Variants in THSD4 observed in about 807,000 individuals in gnomAD.
The protein encoded by THSD4 is thrombospondin type-1 domain-containing protein 4.
Under a neutral mutation model 119.0 loss-of-function variants are expected in THSD4, and 69 were observed. The ratio of observed to expected loss-of-function variants is 0.58; its 90% CI spans 0.48 to 0.71. THSD4 has a LOEUF of 0.71. Among genes scored for constraint, THSD4 ranks in the 30% least tolerant of loss-of-function variants. The pLI, the probability that THSD4 is intolerant of heterozygous loss-of-function variation, is 0.00. For synonymous variants in THSD4, 524 were observed against 540.4 expected (o/e 0.97, Z 0.42); for missense variants, 1,393 against 1,391.1 (o/e 1.00, Z -0.02).
intron 7 of THSD4, among the ~76,000 whole-genome samples, chr15:71,429,154 T>C (rs1424442374): frequency 2.6e-5 from 4 of 152,176 alleles, no homozygotes; most frequent in Non-Finnish European, 2.9e-5. Context: ...CGACATTTAT[T>C]GTAAAATGCG....
rs142872597 is a variant in THSD4, at chr15:71,293,350, C to T, written c.1015+36635C>T. 7.2e-5 allele frequency among the ~76,000 whole-genome samples: 11 copies of T among 152,168 alleles called. No individual in the cohort carries two copies. In the East Asian group the frequency reaches 1.2e-3, roughly 16 times the overall value. ...TGAATCTCCTGCCTGTGGAGGTGGA[C>T]GTGTGGTTGGTGTTCTGGGTGCCCC... On this transcript the variant is annotated intron_variant, in intron 6 of 17. Transcript: ENST00000261862.
At chr15:71,390,527 C>A (rs532831212) in intron 6 of THSD4, among the ~76,000 whole-genome samples, 1 of 152,296 alleles carries the variant, frequency 6.6e-6, no homozygotes, top group African/African-American at 2.4e-5. Context: ...TCTTGTATCT[C>A]CCTATGTCTA....
chr15:71,434,192 T>G (rs962435035), intron 7 of THSD4, among the ~76,000 whole-genome samples: 1 of 152,204 alleles, frequency 6.6e-6, no homozygotes, highest in Non-Finnish European at 1.5e-5. Flanking sequence ...CTTATTTACT[T>G]GATTTATGAG....
At position 71,148,308 on chromosome 15, in the gene THSD4, C is replaced by T. The variant is rs1235939005; in HGVS notation, c.30-6555C>T. Reference sequence around the variant, plus strand: ...CAGTACAGTAAACAACACCTGATAGCAGGAAGGAGACAACTAAGTGCCAAC... The same window carrying T: ...CAGTACAGTAAACAACACCTGATAGTAGGAAGGAGACAACTAAGTGCCAAC... On this transcript the variant is annotated intron_variant, in intron 2 of 17. Transcript: ENST00000261862. Among the ~76,000 whole-genome samples the T allele has an allele frequency of 2.6e-5, 4 of 152,174 alleles. 1 individual carries two copies. The highest frequency in any genetic ancestry group is 2.6e-4 in the Admixed American group (4 of 15,274).
intron 6 of THSD4, among the ~76,000 whole-genome samples, chr15:71,280,862 G>C (rs189795448): frequency 6.6e-6 from 1 of 152,208 alleles, no homozygotes; most frequent in Non-Finnish European, 1.5e-5. Context: ...ATTACTGAAG[G>C]CTGTGAAATC....
At chr15:71,103,586 G>A (rs2040262144) in intron 1 of THSD4, among the ~76,000 whole-genome samples, 1 of 151,804 alleles carries the variant, frequency 6.6e-6, no homozygotes, top group African/African-American at 2.4e-5. Context: ...AGTGGCAGGA[G>A]GAGAAAGGTG....
At chr15:71,305,799 G>C (rs755029543) in intron 6 of THSD4, among the ~76,000 whole-genome samples, 1 of 152,006 alleles carries the variant, frequency 6.6e-6, no homozygotes, top group Non-Finnish European at 1.5e-5. Context: ...ACTAACCAAG[G>C]GGCCTGCCCT....
chr15:71,749,362 G>A (rs898979249), intron 14 of THSD4, among the ~76,000 whole-genome samples: 12 of 152,244 alleles, frequency 7.9e-5, no homozygotes, highest in Non-Finnish European at 8.8e-5. Flanking sequence ...CTTTCCTGGT[G>A]GGATCGGCGC....
chr15:71,459,374 CTCTCTG>C (rs1289775865), intron 7 of THSD4, among the ~76,000 whole-genome samples: 60 of 114,590 alleles, frequency 5.2e-4, no homozygotes, highest in East Asian at 3.7e-3. Flanking sequence ...GTCTCTCTGT[CTCTCTG>C]TCTCTCTCTC....
At chr15:71,157,130 A>AT (rs1460506958) in intron 3 of THSD4, among the ~76,000 whole-genome samples, 3 of 152,230 alleles carry the variant, frequency 2.0e-5, no homozygotes, top group Non-Finnish European at 4.4e-5. Flanking sequence ...ATAGGCTATC[A>AT]TAACGGAAAA....
chr15:71,110,796 T>G, upstream of THSD4: 2 of 277,550 alleles, frequency 7.2e-6, no homozygotes, highest in Non-Finnish European at 1.4e-5. Flanking sequence ...CCCTTTGACT[T>G]TGGGTGACTT....
At chr15:71,713,092 T>G (rs766222459) in intron 8 of THSD4, among the ~76,000 whole-genome samples, 1 of 152,256 alleles carries the variant, frequency 6.6e-6, no homozygotes, top group Non-Finnish European at 1.5e-5. Flanking sequence ...CAAGGAAACC[T>G]GGGAAGTTTA....
chr15:71,340,357 G>T (rs754682390), intron 6 of THSD4, among the ~76,000 whole-genome samples: 3 of 152,202 alleles, frequency 2.0e-5, no homozygotes, highest in Admixed American at 2.0e-4. Context: ...TATGGTAGAA[G>T]TCCTGGAACT....
At chr15:71,341,833 TCCA>T (rs2045582621) in intron 6 of THSD4, 2 of 686,426 alleles carry the variant, frequency 2.9e-6, no homozygotes, top group Non-Finnish European at 5.3e-6. Flanking sequence ...TTGGTTTATT[TCCA>T]CCTACTAGGT....
chr15:71,613,419 A>C (rs1595788251), intron 7 of THSD4, among the ~76,000 whole-genome samples: 1 of 152,202 alleles, frequency 6.6e-6, no homozygotes, highest in African/African-American at 2.4e-5. Context: ...CCACTTTACG[A>C]AACCCTGATT....
At chr15:71,141,101 A>C (rs911725551) in intron 1 of THSD4, among the ~76,000 whole-genome samples, 2 of 152,260 alleles carry the variant, frequency 1.3e-5, no homozygotes, top group Non-Finnish European at 2.9e-5. Flanking sequence ...AGACACATGA[A>C]TGTGACATGA....
intron 6 of THSD4, among the ~76,000 whole-genome samples, chr15:71,347,337 C>T (rs1008677016): frequency 6.6e-6 from 1 of 152,146 alleles, no homozygotes; most frequent in African/African-American, 2.4e-5. Flanking sequence ...CCAGTTAGCA[C>T]CATGTCACCC....
chr15:71,483,009 G>A (rs957161640), intron 7 of THSD4, among the ~76,000 whole-genome samples: 1 of 152,172 alleles, frequency 6.6e-6, no homozygotes, highest in East Asian at 1.9e-4. Flanking sequence ...CTATGAAGGA[G>A]ACTAGGAAAG....
intron 6 of THSD4, among the ~76,000 whole-genome samples, chr15:71,322,056 G>T (rs1436136892): frequency 6.6e-6 from 1 of 151,838 alleles, no homozygotes; most frequent in Non-Finnish European, 1.5e-5. Context: ...AAATTAAGTT[G>T]AAAACAAGCT....
Sources: allele counts gnomAD v4.1 joint callset (sites outside exome capture counted in the v4.1 genomes callset), GRCh38; gene constraint gnomAD v4.1.1; transcripts MANE v1.5; gene names NCBI Gene and HGNC (gene_info 2026-07-23, HGNC 2026-07-21).